Variants in ATP12A observed in about 807,000 individuals in gnomAD.
ATP12A encodes the protein potassium-transporting ATPase alpha chain 2.
In ATP12A, 81 loss-of-function variants were observed where a neutral mutation model predicts 111.2. That is an observed-to-expected ratio of 0.73 (90% CI 0.61 to 0.88). The LOEUF (loss-of-function observed/expected upper bound fraction) is 0.88. Among genes scored for constraint, ATP12A ranks in the 40% least tolerant of loss-of-function variants. The probability of loss-of-function intolerance (pLI) is 0.00; values close to 1 mark genes in which losing one functional copy is unlikely to be tolerated. For synonymous variants in ATP12A, 498 were observed against 499.8 expected, an observed-to-expected ratio of 1.00 and a Z score of 0.05; for missense variants, 1,196 against 1,313.1, an observed-to-expected ratio of 0.91 and a Z score of 1.38.
At chr13:24,686,662 C>G (rs908690322) in intron 3 of ATP12A, among the ~76,000 whole-genome samples, 8 of 152,082 alleles carry the variant, frequency 5.3e-5, no homozygotes, top group Non-Finnish European at 1.0e-4. Context: ...TGGCGTGAAC[C>G]TGGGAGGCGG....
At chr13:24,690,948 G>A in intron 7 of ATP12A, 34 bp from the exon 8 acceptor site, 1 of 1,610,784 alleles carries the variant, frequency 6.2e-7, no homozygotes, top group Non-Finnish European at 8.5e-7. Flanking sequence ...CCTGGCTGAG[G>A]ACCCCTGGAA....
At chr13:24,681,927 CTGTGTAGTGTGTGGTGTG>C (rs1874454258) in intron 2 of ATP12A, among the ~76,000 whole-genome samples, 1 of 66,328 alleles carries the variant, frequency 1.5e-5, no homozygotes, top group Admixed American at 1.5e-4. Context: ...TGTGGTGTGT[CTGTGTAGTGTGTGGTGTG>C]TGTGTGTATG....
At position 24,680,633 on chromosome 13, in the gene ATP12A, C is replaced by A. The variant is rs35594523; in HGVS notation, c.-111C>A. ...GCCGCCGGTATCTCCACCGCCAACA[C>A]CTCAGCCACTGCCACTGCCACAGCC... On this transcript the variant is annotated 5_prime_UTR_variant, in exon 1 of 23. Transcript: ENST00000381946. The A allele has an allele frequency of 7.6e-7, 1 of 1,320,648 alleles. No individual in the cohort carries two copies. 81.8% of individuals were successfully genotyped at this position (1,320,648 alleles called of 1,614,324 possible).
rs753123270 is a variant in ATP12A, at chr13:24,711,766, C to T, written c.*244C>T. On this transcript the variant is annotated 3_prime_UTR_variant, in exon 23 of 23. Coordinates refer to ENST00000381946, the MANE Select transcript of ATP12A (RefSeq NM_001676.7). Reference sequence around the variant, plus strand: ...TCCTCATTAAAAAATACGTACATTTCGAGGTAATGGTATAGGGAAGAATGT... The same window carrying T: ...TCCTCATTAAAAAATACGTACATTTTGAGGTAATGGTATAGGGAAGAATGT... 23 of 578,898 alleles carry T rather than the reference C, an allele frequency of 4.0e-5. No individual in the cohort carries two copies. The highest frequency in any genetic ancestry group is 1.8e-4 in the East Asian group (6 of 34,082). 35.9% of individuals were successfully genotyped at this position (578,898 alleles called of 1,614,324 possible).
chr13:24,683,158 A>C (rs1345424214), intron 2 of ATP12A, among the ~76,000 whole-genome samples: 6 of 152,102 alleles, frequency 3.9e-5, no homozygotes, highest in Non-Finnish European at 8.8e-5. Flanking sequence ...GGGTTTCCCC[A>C]TGTTGGCCAG....
rs182967544 is a variant in ATP12A at position 24,711,978 on chromosome 13, G to A, written c.*456G>A. ...GTATGTTTTCATGGTCTCCTTGCTCGAAAAAGGCCAACTCACCCGAGGGTC... is the reference window on the plus strand; with the variant it reads ...GTATGTTTTCATGGTCTCCTTGCTCAAAAAAGGCCAACTCACCCGAGGGTC... On this transcript the variant is annotated 3_prime_UTR_variant, in exon 23 of 23. Transcript: ENST00000381946. 2.3e-3 allele frequency: 440 copies of A among 187,866 alleles called. 2 individuals are homozygous for A. The highest frequency in any genetic ancestry group is 3.4e-3 in the Non-Finnish European group (303 of 89,808). 11.6% of individuals were successfully genotyped at this position (187,866 alleles called of 1,614,324 possible). A position where few individuals can be genotyped will look rare whatever the true frequency, so the allele number is the denominator to read the frequency against.
intron 11 of ATP12A, 34 bp downstream of exon 11, chr13:24,694,612 A>G (rs1454277119): frequency 1.2e-6 from 2 of 1,611,382 alleles, no homozygotes; most frequent in Non-Finnish European, 8.5e-7. Context: ...AATCTCTGTC[A>G]TCGGCAGCAT....
Position 24,680,465 on chromosome 13 carries a change from G to T in ATP12A, c.-279G>T. On this transcript the variant is annotated 5_prime_UTR_variant, in exon 1 of 23. Coordinates refer to ENST00000381946, the MANE Select transcript of ATP12A (RefSeq NM_001676.7). ...CGGTCCCCCTCCCTGCGCGCGCGCC[G>T]GCGGGTTTCCTACCCTCCGAGGCGT... The T allele has an allele frequency of 2.3e-6, 1 of 427,700 alleles. No individual in the cohort carries two copies. Among genetic ancestry groups the T allele is most frequent in the East Asian group, 4.1e-5 (1 of 24,628 alleles). 26.5% of individuals were successfully genotyped at this position (427,700 alleles called of 1,614,324 possible). A position where few individuals can be genotyped will look rare whatever the true frequency, so the allele number is the denominator to read the frequency against.
At chr13:24,710,352 G>T (rs1875907170) in intron 19 of ATP12A, 108 bp from the exon 20 acceptor site, 2 of 1,381,626 alleles carry the variant, frequency 1.4e-6, no homozygotes, top group Non-Finnish European at 2.0e-6. Flanking sequence ...TCCATTCTCA[G>T]TCCGGGTGAG....
chr13:24,708,900 GGAAA>G (rs764913574), intron 17 of ATP12A, among the ~76,000 whole-genome samples: 6,419 of 65,016 alleles, frequency 0.099, 235 homozygotes, highest in Admixed American at 0.13. Context: ...AAGAAAGAAA[GGAAA>G]GAAAGAAAGA....
intron 2 of ATP12A, among the ~76,000 whole-genome samples, chr13:24,682,543 C>T (rs1305704628): frequency 1.3e-5 from 2 of 152,152 alleles, no homozygotes; most frequent in African/African-American, 4.8e-5. Context: ...CAGGCATGGC[C>T]AGACCTCTCT....
chr13:24,687,652 C>T (rs990106060), intron 3 of ATP12A, among the ~76,000 whole-genome samples: 3 of 152,210 alleles, frequency 2.0e-5, no homozygotes, highest in Admixed American at 1.3e-4. Context: ...CTCACATGGG[C>T]TCAGGGCTTG....
In ATP12A at chr13:24,707,403, C is replaced by A. The variant is rs776371218; in HGVS notation, c.2463C>A (p.Thr821=). 1.2e-6 allele frequency: 2 copies of A among 1,614,254 alleles called. No individual in the cohort carries two copies. The highest frequency in any genetic ancestry group is 4.5e-5 in the East Asian group (2 of 44,882). Residue 821 remains threonine, a synonymous_variant, in exon 17 of 23, where the codon ACC becomes ACA. Transcript: ENST00000381946. Reference sequence around the variant, plus strand: ...TCCCCCTGCCCATTGGCACCATCACCATTCTGTTCATTGACTTGGGGACAG... The same window carrying A: ...TCCCCCTGCCCATTGGCACCATCACAATTCTGTTCATTGACTTGGGGACAG... ...VGLPLPIGTI[T]ILFIDLGTDI... is the part of the protein sequence containing the mutation.
intron 8 of ATP12A, among the ~76,000 whole-genome samples, chr13:24,692,064 A>G (rs970928599): frequency 8.5e-5 from 13 of 152,206 alleles, no homozygotes; most frequent in African/African-American, 2.7e-4. Flanking sequence ...TTTGGCATGC[A>G]CTGGTCAGTC....
At position 24,692,557 on chromosome 13, in the gene ATP12A, C is replaced by G; in HGVS notation, c.1197C>G (p.Asn399Lys). 1 of 1,614,176 alleles carries G rather than the reference C, an allele frequency of 6.2e-7. No homozygotes were observed. The highest frequency in any genetic ancestry group is 8.5e-7 in the Non-Finnish European group (1 of 1,180,024). ...ACAAGACTGGGACACTGACCCAGAA[C>G]AGGATGACAGTGGCCCATCTGTGGT... is the stretch of plus-strand genomic sequence containing the variant. ...CSDKTGTLTQ[N>K]RMTVAHLWFD... is the part of the protein sequence containing the mutation. Residue 399 changes from asparagine to lysine, a missense_variant, in exon 9 of 23, where the codon AAC (asparagine) becomes AAG (lysine). By Grantham distance (94) the Asn-to-Lys change is moderately conservative (BLOSUM62 0). Transcript: ENST00000381946.
intron 21 of ATP12A, 46 bp from the exon 22 acceptor site, chr13:24,711,272 T>C (rs757495227): frequency 6.5e-7 from 1 of 1,533,808 alleles, no homozygotes; most frequent in East Asian, 2.4e-5. Flanking sequence ...GGTTGGGCTA[T>C]CCCTGTGGAT....
At chr13:24,707,477 G>T in intron 17 of ATP12A, 44 bp downstream of exon 17, 2 of 1,611,622 alleles carry the variant, frequency 1.2e-6, no homozygotes, top group Non-Finnish European at 1.7e-6. Flanking sequence ...CTGCCCCAGG[G>T]GAGGTCAAGT....
chr13:24,696,989 G>A (rs1875195312), intron 11 of ATP12A, among the ~76,000 whole-genome samples: 1 of 152,196 alleles, frequency 6.6e-6, no homozygotes, highest in Non-Finnish European at 1.5e-5. Flanking sequence ...ACAGTTTACG[G>A]CAAATTGGAA....
rs756031037 is a variant in ATP12A at position 24,709,752 on chromosome 13, G to A, written c.2687G>A (p.Arg896His). 2.7e-5 allele frequency: 43 copies of A among 1,614,084 alleles called. No individual in the cohort carries two copies. In the East Asian group the frequency reaches 3.1e-4, roughly 12 times the overall value. ...TATGCACAAGAGGGCTTTCTGCCCC[G>A]CACTCTCATTAACCTGCGGGTAGAA... is the stretch of plus-strand genomic sequence containing the variant. ...TVYAQEGFLP[R>H]TLINLRVEWE... Residue 896 changes from arginine (R) to histidine (H), a missense_variant, in exon 19 of 23, where the codon CGC becomes CAC. Transcript: ENST00000381946.
Sources: allele counts gnomAD v4.1 joint callset (sites outside exome capture counted in the v4.1 genomes callset), GRCh38; gene constraint gnomAD v4.1.1; transcripts MANE v1.5; gene names NCBI Gene and HGNC (gene_info 2026-07-23, HGNC 2026-07-21).